Variants in ELF2 observed in about 807,000 individuals in gnomAD.
The protein encoded by ELF2 is ETS-related transcription factor Elf-2.
Under a neutral mutation model 54.8 loss-of-function variants are expected in ELF2, and 11 were observed. The observed-to-expected ratio is 0.20, with a 90% CI of 0.13 to 0.33. The LOEUF (loss-of-function observed/expected upper bound fraction) is 0.33, where lower values mean the gene tolerates loss of function less well. ELF2 is among the 10% of genes least tolerant of loss of function. The pLI, the probability that ELF2 is intolerant of heterozygous loss-of-function variation, is 1.00. For synonymous variants in ELF2, 203 were observed against 245.1 expected, an observed-to-expected ratio of 0.83 and a Z score of 1.61; for missense variants, 513 against 703.0, an observed-to-expected ratio of 0.73 and a Z score of 3.06.
At chr4:139,143,529 T>A (rs1433520914) in intron 1 of ELF2, among the ~76,000 whole-genome samples, 1 of 152,162 alleles carries the variant, frequency 6.6e-6, no homozygotes, top group Non-Finnish European at 1.5e-5. Context: ...ACATCTGTAA[T>A]CCCTGCACTT....
At chr4:139,145,648 A>G (rs892805291) in intron 1 of ELF2, among the ~76,000 whole-genome samples, 1 of 152,202 alleles carries the variant, frequency 6.6e-6, no homozygotes, top group African/African-American at 2.4e-5. Flanking sequence ...TCAACAAAAT[A>G]CTAGCTAACC....
chr4:139,114,566 C>CACAA (rs1342154388), intron 4 of ELF2, among the ~76,000 whole-genome samples: 1 of 93,278 alleles, frequency 1.1e-5, no homozygotes, highest in Non-Finnish European at 2.5e-5. Flanking sequence ...CAGTCTCACA[C>CACAA]ACACACACAC....
chr4:139,115,479 CG>C, intron 4 of ELF2: 5 of 828,116 alleles, frequency 6.0e-6, no homozygotes, highest in Non-Finnish European at 7.3e-6. Flanking sequence ...AGGGCAGCGG[CG>C]GGGGTGCCCG....
intron 3 of ELF2, among the ~76,000 whole-genome samples, chr4:139,126,934 G>T (rs2148839356): frequency 6.6e-6 from 1 of 152,318 alleles, no homozygotes; most frequent in South Asian, 2.1e-4. Flanking sequence ...AGACTGTGAA[G>T]AGAGATTCCA....
intron 3 of ELF2, among the ~76,000 whole-genome samples, chr4:139,131,083 T>C (rs1446105170): frequency 1.3e-5 from 2 of 152,184 alleles, no homozygotes; most frequent in Non-Finnish European, 2.9e-5. Context: ...TTTGCTCAAG[T>C]CACCATGGGT....
At chr4:139,126,581 A>G (rs1736942826) in intron 3 of ELF2, among the ~76,000 whole-genome samples, 1 of 152,166 alleles carries the variant, frequency 6.6e-6, no homozygotes, top group Admixed American at 6.5e-5. Context: ...TTCTAGAAAG[A>G]AAACACAGGT....
At chr4:139,068,114 G>A (rs534399854) in intron 6 of ELF2, among the ~76,000 whole-genome samples, 3 of 151,828 alleles carry the variant, frequency 2.0e-5, no homozygotes, top group Admixed American at 1.3e-4. Flanking sequence ...TCTGCCTCCC[G>A]GGTTCAAGCA....
At chr4:139,066,449 G>A (rs904121989) in intron 7 of ELF2, 1 of 150,234 alleles carries the variant, frequency 6.7e-6, no homozygotes, top group Non-Finnish European at 1.5e-5. Flanking sequence ...TTCTACAAAA[G>A]ATTTTAAAAT....
intron 1 of ELF2, among the ~76,000 whole-genome samples, chr4:139,140,811 T>C (rs1738629489): frequency 6.6e-6 from 1 of 152,078 alleles, no homozygotes; most frequent in African/African-American, 2.4e-5. Context: ...TTCCAGCTAC[T>C]GCTCCAGTTC....
At chr4:139,137,994 G>A (rs138627135) in intron 2 of ELF2, 127 bp from the exon 3 acceptor site, 6,860 of 609,646 alleles carry the variant, frequency 0.011, 51 homozygotes, top group Non-Finnish European at 0.013. Context: ...TAACATCCCC[G>A]TGTCAAAAGA....
intron 1 of ELF2, among the ~76,000 whole-genome samples, chr4:139,169,441 G>A (rs980085709): frequency 6.6e-6 from 1 of 151,460 alleles, no homozygotes; most frequent in African/African-American, 2.4e-5. Context: ...AAATACTTCT[G>A]CAAGGACATC....
At chr4:139,176,445 CCCGCCCCGAG>C (rs1742932671) in intron 1 of ELF2, among the ~76,000 whole-genome samples, 1 of 151,732 alleles carries the variant, frequency 6.6e-6, no homozygotes, top group South Asian at 2.1e-4. Flanking sequence ...CCTCCCAGGT[CCCGCCCCGAG>C]CTCGCCGCCC....
At chr4:139,068,291 T>C (rs756881485) in intron 6 of ELF2, among the ~76,000 whole-genome samples, 10 of 152,328 alleles carry the variant, frequency 6.6e-5, no homozygotes, top group Non-Finnish European at 8.8e-5. Flanking sequence ...AGTGCTGGGA[T>C]TACAGGCGTG....
intron 4 of ELF2, among the ~76,000 whole-genome samples, chr4:139,087,614 C>T (rs1277244680): frequency 6.6e-6 from 1 of 152,068 alleles, no homozygotes; most frequent in Non-Finnish European, 1.5e-5. Flanking sequence ...TACAGGCGCC[C>T]GCCTCCACGC....
At chr4:139,090,141 G>T (rs575682272) in intron 4 of ELF2, among the ~76,000 whole-genome samples, 38 of 152,222 alleles carry the variant, frequency 2.5e-4, no homozygotes, top group African/African-American at 7.0e-4. Flanking sequence ...CTTGCCCAAG[G>T]TAGTCTTGAA....
chr4:139,132,838 TTACATATATATATATATATA>T (rs1265598254), intron 3 of ELF2, among the ~76,000 whole-genome samples: 1 of 57,904 alleles, frequency 1.7e-5, no homozygotes, highest in African/African-American at 7.7e-5. Flanking sequence ...TTATATTACT[TTACATATATATATATATATA>T]TATATATATA....
chr4:139,066,748 C>G (rs1318752181), intron 7 of ELF2: 1 of 151,254 alleles, frequency 6.6e-6, no homozygotes, highest in East Asian at 1.9e-4. Flanking sequence ...AACAAATTAG[C>G]TGGGTGCGGT....
At chr4:139,150,883 G>A (rs549573815) in intron 1 of ELF2, among the ~76,000 whole-genome samples, 9 of 151,694 alleles carry the variant, frequency 5.9e-5, no homozygotes, top group Non-Finnish European at 1.3e-4. Context: ...AAATTAGCCG[G>A]GCTTGGTGGC....
chr4:139,174,313 G>A (rs1341036352), intron 1 of ELF2, among the ~76,000 whole-genome samples: 6 of 150,566 alleles, frequency 4.0e-5, no homozygotes, highest in African/African-American at 1.5e-4. Flanking sequence ...TATGCTAAAC[G>A]AAAGAAGCCA....
Sources: gnomAD v4.1 joint callset for allele counts (sites outside exome capture counted in the v4.1 genomes callset) on GRCh38, gnomAD v4.1.1 for gene constraint, MANE v1.5 for transcripts, NCBI Gene and HGNC (gene_info 2026-07-23, HGNC 2026-07-21) for gene names.